RASSF8: variants seen among roughly 807,000 people sequenced by gnomAD.
The protein encoded by RASSF8 is ras association domain-containing protein 8.
Under a neutral mutation model 48.5 loss-of-function variants are expected in RASSF8, and 22 were observed. The ratio of observed to expected loss-of-function variants is 0.45; its 90% CI spans 0.32 to 0.65. The LOEUF (loss-of-function observed/expected upper bound fraction) is 0.65. Among genes scored for constraint, RASSF8 ranks in the 30% least tolerant of loss-of-function variants. The probability of loss-of-function intolerance (pLI) is 0.03; values close to 1 mark genes in which losing one functional copy is unlikely to be tolerated. For missense variants in RASSF8, 418 were observed against 489.2 expected (o/e 0.85, Z 1.37); for synonymous variants, 127 against 171.5 (o/e 0.74, Z 2.03).
At chr12:26,049,946 G>A (rs888245013) in intron 2 of RASSF8, among the ~76,000 whole-genome samples, 9 of 152,088 alleles carry the variant, frequency 5.9e-5, no homozygotes. Context: ...CACCACGCCC[G>A]GCTAATTTTT....
chr12:26,070,369 G>C lies in RASSF8; in HGVS notation c.*1551G>C, dbSNP rs1358684424. 4.1e-6 allele frequency: 4 copies of C among 985,226 alleles called. No homozygotes were observed. Among genetic ancestry groups the C allele is most frequent in the Non-Finnish European group, 4.8e-6 (4 of 829,890 alleles). The allele number at this position is 985,226 out of a possible 1,614,324, so 61.0% of individuals were successfully genotyped here. On this transcript the variant is annotated 3_prime_UTR_variant, in exon 6 of 6. Transcript: ENST00000689635. ...ATGAAATTTTTAAGAATGGCTATGA[G>C]ACTGTATAGAAGCTTCTAGAGAACT...
chr12:26,025,354 G>A (rs1273394887), intron 2 of RASSF8, among the ~76,000 whole-genome samples: 5 of 151,820 alleles, frequency 3.3e-5, no homozygotes, highest in Admixed American at 1.3e-4. Flanking sequence ...TCAGGAGATC[G>A]AGACCATCCT....
intron 1 of RASSF8, among the ~76,000 whole-genome samples, chr12:25,964,795 G>C (rs529626513): frequency 1.3e-5 from 2 of 152,254 alleles, no homozygotes; most frequent in African/African-American, 2.4e-5. Flanking sequence ...TTGTAATGTT[G>C]AAGGTAAAAT....
chr12:25,976,687 C>G (rs181029397), intron 1 of RASSF8, among the ~76,000 whole-genome samples: 128 of 152,296 alleles, frequency 8.4e-4, no homozygotes, highest in Admixed American at 1.6e-3. Flanking sequence ...CAGTAAATCC[C>G]TGCCTTCGTT....
At chr12:26,075,480 C>T (rs1182507636), downstream of RASSF8, among the ~76,000 whole-genome samples, 1 of 152,284 alleles carries the variant, frequency 6.6e-6, no homozygotes, top group East Asian at 1.9e-4. Context: ...TTTAGCCATC[C>T]ACAAGTCTCA....
intron 2 of RASSF8, among the ~76,000 whole-genome samples, chr12:26,034,135 A>T (rs1392828675): frequency 6.6e-6 from 1 of 152,020 alleles, no homozygotes; most frequent in African/African-American, 2.4e-5. Context: ...GGTGGGGAGT[A>T]GTTGAAGAAC....
intron 1 of RASSF8, among the ~76,000 whole-genome samples, chr12:25,962,541 G>T (rs1311779335): frequency 6.6e-6 from 1 of 152,104 alleles, no homozygotes; most frequent in Non-Finnish European, 1.5e-5. Context: ...TGTAGTAGGT[G>T]CTCAATAAAT....
intron 2 of RASSF8, among the ~76,000 whole-genome samples, chr12:26,035,365 T>C (rs1217473869): frequency 6.8e-6 from 1 of 147,456 alleles, no homozygotes; most frequent in Non-Finnish European, 1.5e-5. Context: ...ACTGAAAAGA[T>C]GAAATTATAT....
chr12:25,983,066 G>C (rs1437891149), intron 1 of RASSF8, among the ~76,000 whole-genome samples: 1 of 152,048 alleles, frequency 6.6e-6, no homozygotes, highest in Non-Finnish European at 1.5e-5. Flanking sequence ...TGACAGTCAG[G>C]AATCACAAAA....
At chr12:25,986,473 T>C (rs553605721) in intron 1 of RASSF8, among the ~76,000 whole-genome samples, 1 of 152,274 alleles carries the variant, frequency 6.6e-6, no homozygotes, top group East Asian at 1.9e-4. Flanking sequence ...AAGCCTTAAT[T>C]TCATACAAGG....
At chr12:25,968,758 G>A (rs894634482) in intron 1 of RASSF8, among the ~76,000 whole-genome samples, 1 of 152,182 alleles carries the variant, frequency 6.6e-6, no homozygotes, top group African/African-American at 2.4e-5. Flanking sequence ...AGAGCACACT[G>A]TACTAGGGGG....
At chr12:26,009,006 C>T (rs1942459673) in intron 2 of RASSF8, among the ~76,000 whole-genome samples, 1 of 152,116 alleles carries the variant, frequency 6.6e-6, no homozygotes, top group African/African-American at 2.4e-5. Context: ...CAGATCAGTC[C>T]AGTGTTTTTT....
intron 1 of RASSF8, among the ~76,000 whole-genome samples, chr12:25,988,967 A>G (rs1488394388): frequency 6.6e-6 from 1 of 152,068 alleles, no homozygotes; most frequent in Non-Finnish European, 1.5e-5. Flanking sequence ...AGCTTTTTGA[A>G]TTTTTCTTGA....
At chr12:26,009,468 T>G (rs759520762) in intron 2 of RASSF8, among the ~76,000 whole-genome samples, 13 of 152,188 alleles carry the variant, frequency 8.5e-5, no homozygotes, top group Non-Finnish European at 1.6e-4. Context: ...CTGGGCATCC[T>G]GTAGTGCACA....
chr12:26,071,236 G>C lies in RASSF8; in HGVS notation c.*2418G>C. Reference sequence around the variant, plus strand: ...CATCTGAAGATACTTTAGTATATTTGTGATCATTTTTATCTATTGCAAATA... The same window carrying C: ...CATCTGAAGATACTTTAGTATATTTCTGATCATTTTTATCTATTGCAAATA... On this transcript the variant is annotated 3_prime_UTR_variant, in exon 6 of 6. Coordinates refer to ENST00000689635, the MANE Select transcript of RASSF8 (RefSeq NM_001394098.1). 1 of 983,002 alleles carries C rather than the reference G, an allele frequency of 1.0e-6. No homozygotes were observed. The highest frequency in any genetic ancestry group is 1.2e-6 in the Non-Finnish European group (1 of 827,800). 60.9% of individuals were successfully genotyped at this position (983,002 alleles called of 1,614,324 possible). A position where few individuals can be genotyped will look rare whatever the true frequency, so the allele number is the denominator to read the frequency against.
At chr12:26,028,278 C>T (rs909987328) in intron 2 of RASSF8, among the ~76,000 whole-genome samples, 1 of 152,070 alleles carries the variant, frequency 6.6e-6, no homozygotes, top group Non-Finnish European at 1.5e-5. Flanking sequence ...TTTTAATGAG[C>T]GTACTTTTCC....
At chr12:25,985,366 C>A (rs1319717333) in intron 1 of RASSF8, among the ~76,000 whole-genome samples, 2 of 152,152 alleles carry the variant, frequency 1.3e-5, no homozygotes, top group African/African-American at 4.8e-5. Flanking sequence ...CTGTCCACAG[C>A]TCCTGAAGGC....
At chr12:26,005,404 T>G (rs1046866443) in intron 2 of RASSF8, among the ~76,000 whole-genome samples, 1 of 152,196 alleles carries the variant, frequency 6.6e-6, no homozygotes, top group African/African-American at 2.4e-5. Flanking sequence ...CTGATTCTAC[T>G]CCTCATTGCA....
At chr12:26,048,753 GT>G (rs1268058400) in intron 2 of RASSF8, among the ~76,000 whole-genome samples, 1 of 148,872 alleles carries the variant, frequency 6.7e-6, no homozygotes, top group Admixed American at 7.0e-5. Flanking sequence ...TGTTTGTTTT[GT>G]TTTGTTTTGT....
Sources: gnomAD v4.1 joint callset for allele counts (sites outside exome capture counted in the v4.1 genomes callset) on GRCh38, gnomAD v4.1.1 for gene constraint, MANE v1.5 for transcripts, NCBI Gene and HGNC (gene_info 2026-07-23, HGNC 2026-07-21) for gene names.